The following CPEB1 variants were observed in gnomAD, a reference collection of about 807,000 sequenced individuals.
CPEB1 encodes cytoplasmic polyadenylation element-binding protein 1.
A neutral mutation model predicts 65.8 loss-of-function variants in CPEB1; 7 were observed. The observed-to-expected ratio is 0.11, with a 90% confidence interval of 0.06 to 0.20. CPEB1 has a LOEUF of 0.20. CPEB1 is among the 10% of genes least tolerant of loss of function. The pLI is 1.00. For missense variants in CPEB1, 551 were observed against 712.2 expected (o/e 0.77, Z 2.58); for synonymous variants, 262 against 260.0 (o/e 1.01, Z -0.08).
intron 3 of CPEB1, among the ~76,000 whole-genome samples, chr15:82,616,166 GTCT>G (rs1362877611): frequency 3.9e-5 from 6 of 151,934 alleles, no homozygotes; most frequent in South Asian, 4.2e-4. Flanking sequence ...GGCATGAGGG[GTCT>G]TCTTAGTTGC....
intron 1 of CPEB1, chr15:82,629,116 T>C (rs550024506): frequency 4.5e-6 from 1 of 222,334 alleles, no homozygotes; most frequent in African/African-American, 2.3e-5. Flanking sequence ...TTTATGTCAA[T>C]ACAGCTGTTT....
chr15:82,624,852 A>G (rs1378760820), intron 3 of CPEB1, among the ~76,000 whole-genome samples: 2 of 150,420 alleles, frequency 1.3e-5, no homozygotes, highest in Admixed American at 1.3e-4. Context: ...TTTTTGGCAG[A>G]GGTGGGCAGG....
intron 1 of CPEB1, among the ~76,000 whole-genome samples, chr15:82,644,119 A>T (rs756276389): frequency 6.6e-6 from 1 of 152,200 alleles, no homozygotes; most frequent in South Asian, 2.1e-4. Flanking sequence ...CTGCTCTGAC[A>T]TACATTGTGG....
chr15:82,588,603 T>C (rs1384207404), intron 3 of CPEB1, among the ~76,000 whole-genome samples: 1 of 152,156 alleles, frequency 6.6e-6, no homozygotes, highest in African/African-American at 2.4e-5. Flanking sequence ...CTTCTAGTAG[T>C]TTTTATTTCT....
chr15:82,612,134 G>A (rs1322203485), intron 3 of CPEB1, among the ~76,000 whole-genome samples: 1 of 152,078 alleles, frequency 6.6e-6, no homozygotes, highest in Non-Finnish European at 1.5e-5. Flanking sequence ...TTATGCCAAT[G>A]AATTTGAAAA....
Position 82,578,626 on chromosome 15 carries a change from G to A in CPEB1, c.272-7094C>T, listed in dbSNP as rs888461055. Reference sequence around the variant, plus strand: ...ACAAAAATTAGCCGGGTGTGGTGGCGTGCACCTGTAGTCCCAGCTACTCAG... The same window carrying A: ...ACAAAAATTAGCCGGGTGTGGTGGCATGCACCTGTAGTCCCAGCTACTCAG... On this transcript the variant is annotated intron_variant, in intron 3 of 12. Coordinates refer to ENST00000684509, the MANE Select transcript of CPEB1 (RefSeq NM_001365242.1). Among the ~76,000 whole-genome samples, 7 of 151,906 alleles carry A rather than the reference G, an allele frequency of 4.6e-5. No homozygotes were observed. The South Asian group carries it at 6.3e-4, about 14-fold the overall frequency.
At chr15:82,584,884 ATTTT>A (rs889402844) in intron 3 of CPEB1, among the ~76,000 whole-genome samples, 1 of 93,698 alleles carries the variant, frequency 1.1e-5, no homozygotes, top group East Asian at 3.0e-4. Context: ...AGATGACATA[ATTTT>A]TTTTTCCTAA....
chr15:82,548,479 T>G (rs2035668489), intron 10 of CPEB1, among the ~76,000 whole-genome samples: 3 of 152,150 alleles, frequency 2.0e-5, no homozygotes, highest in African/African-American at 7.2e-5. Context: ...CATGTTAGCG[T>G]GAACCATTCA....
In CPEB1 at chr15:82,606,677, G is replaced by A. The variant is rs2043637502; in HGVS notation, c.271+20516C>T. ...ACTAAAAATACAAAAAATTAGCCGG[G>A]CGTAGTGGCGGGCGCCTGTAGTCCC... On this transcript the variant is annotated intron_variant, in intron 3 of 12. Transcript: ENST00000684509. 2.0e-5 allele frequency among the ~76,000 whole-genome samples: 2 copies of A among 102,494 alleles called. 1 individual carries two copies. Among genetic ancestry groups the A allele is most frequent in the Admixed American group, 1.9e-4 (2 of 10,388 alleles). The allele number at this position is 102,494 out of a possible 152,430, so 67.2% of individuals were successfully genotyped here. A position where few individuals can be genotyped will look rare whatever the true frequency, so the allele number is the denominator to read the frequency against.
At chr15:82,646,645 G>A (rs1041205029) in intron 1 of CPEB1, among the ~76,000 whole-genome samples, 2 of 152,234 alleles carry the variant, frequency 1.3e-5, no homozygotes, top group Non-Finnish European at 2.9e-5. Flanking sequence ...GAGCCCAGGC[G>A]TCTGCCTGGC....
At chr15:82,617,835 G>T (rs1262643117) in intron 3 of CPEB1, among the ~76,000 whole-genome samples, 1 of 135,018 alleles carries the variant, frequency 7.4e-6, no homozygotes, top group Admixed American at 8.2e-5. Context: ...TCGGGTTCAC[G>T]CCATTCTCCT....
At chr15:82,621,657 A>C (rs2045315909) in intron 3 of CPEB1, among the ~76,000 whole-genome samples, 1 of 152,002 alleles carries the variant, frequency 6.6e-6, no homozygotes, top group Non-Finnish European at 1.5e-5. Context: ...GGCTACAACT[A>C]TACAATTCTT....
chr15:82,634,521 T>C (rs2046501791), intron 1 of CPEB1, among the ~76,000 whole-genome samples: 1 of 152,192 alleles, frequency 6.6e-6, no homozygotes, highest in Admixed American at 6.5e-5. Context: ...CTGAAGACCC[T>C]TCAAGACTAT....
intron 1 of CPEB1, among the ~76,000 whole-genome samples, chr15:82,641,346 G>A (rs748125521): frequency 2.0e-5 from 3 of 152,192 alleles, no homozygotes; most frequent in Non-Finnish European, 4.4e-5. Flanking sequence ...AATGCAGAGA[G>A]CACAGGTGTT....
At chr15:82,547,795 C>T (rs2035522098) in intron 10 of CPEB1, among the ~76,000 whole-genome samples, 3 of 152,086 alleles carry the variant, frequency 2.0e-5, no homozygotes, top group African/African-American at 7.2e-5. Flanking sequence ...CCTCAGCCTC[C>T]CAAGTAGCTG....
In CPEB1 at chr15:82,569,237, T is replaced by G. The variant is rs142311330; in HGVS notation, c.460+2107A>C. ...CATCCTACTCCAGGAGGTAGTACCC[T>G]CATGTGGGCTTTCCAAGAAGGCCCA... On this transcript the variant is annotated intron_variant, in intron 4 of 12. Coordinates refer to ENST00000684509, the MANE Select transcript of CPEB1 (RefSeq NM_001365242.1). 2.1e-3 allele frequency among the ~76,000 whole-genome samples: 323 copies of G among 152,258 alleles called. 2 individuals carry two copies. Among genetic ancestry groups the G allele is most frequent in the Middle Eastern group, 3.4e-3 (1 of 294 alleles).
chr15:82,634,778 C>T (rs1292801210), intron 1 of CPEB1, among the ~76,000 whole-genome samples: 1 of 151,810 alleles, frequency 6.6e-6, no homozygotes, highest in African/African-American at 2.4e-5. Flanking sequence ...TTTAATTAAG[C>T]CAGAGTAGCA....
intron 3 of CPEB1, among the ~76,000 whole-genome samples, chr15:82,616,877 C>T (rs973577944): frequency 1.3e-5 from 2 of 152,186 alleles, no homozygotes; most frequent in African/African-American, 4.8e-5. Flanking sequence ...GACATATAAA[C>T]TGCATGTATT....
chr15:82,623,129 C>T (rs2045461430), intron 3 of CPEB1, among the ~76,000 whole-genome samples: 1 of 152,204 alleles, frequency 6.6e-6, no homozygotes, highest in South Asian at 2.1e-4. Flanking sequence ...ATCTACTCAA[C>T]ATCCAGTTAA....
Sources: allele counts gnomAD v4.1 joint callset (sites outside exome capture counted in the v4.1 genomes callset), GRCh38; gene constraint gnomAD v4.1.1; transcripts MANE v1.5; gene names NCBI Gene and HGNC (gene_info 2026-07-23, HGNC 2026-07-21).